Variants in ASIC2 observed in about 807,000 individuals in gnomAD.
The protein encoded by ASIC2 is acid sensing ion channel subunit 2.
ASIC2 carries 25 observed loss-of-function variants against 57.3 expected under a neutral mutation model. The ratio of observed to expected loss-of-function variants is 0.44; its 90% CI spans 0.32 to 0.61. The LOEUF is 0.61. Ranked by LOEUF, ASIC2 falls within the 20% of genes least tolerant of loss-of-function variation. The pLI, the probability that ASIC2 is intolerant of heterozygous loss-of-function variation, is 0.06. For synonymous variants in ASIC2, 319 were observed against 307.5 expected, an observed-to-expected ratio of 1.04 and a Z score of -0.39; for missense variants, 641 against 738.1, an observed-to-expected ratio of 0.87 and a Z score of 1.52.
chr17:33,777,101 T>G (rs61207770), intron 1 of ASIC2, among the ~76,000 whole-genome samples: 11,761 of 152,104 alleles, frequency 0.077, 505 homozygotes, highest in East Asian at 0.22. Flanking sequence ...GGGCATGGCA[T>G]CCACAGCCCA....
In ASIC2 at chr17:33,183,226, A is replaced by G. The variant is rs570105843; in HGVS notation, c.709-71159T>C. 7.2e-5 allele frequency among the ~76,000 whole-genome samples: 11 copies of G among 152,342 alleles called. No homozygotes were observed. In the South Asian group the frequency reaches 1.4e-3, roughly 20 times the overall value. On this transcript the variant is annotated intron_variant, in intron 1 of 9. Coordinates refer to ENST00000225823, the MANE Select transcript of ASIC2 (RefSeq NM_183377.2). ...CAGAAACTAACCTTTATTTTTGCCA[A>G]AACAGTTTTTATTAACTTCAGTGAG...
chr17:33,464,534 T>C (rs28635546), intron 1 of ASIC2, among the ~76,000 whole-genome samples: 1 of 42,142 alleles, frequency 2.4e-5, no homozygotes, highest in African/African-American at 9.7e-5. Flanking sequence ...CTTTCTTTCT[T>C]TCTTTCTCTT....
chr17:33,627,322 C>T (rs1748983245), intron 1 of ASIC2: 1 of 152,268 alleles, frequency 6.6e-6, no homozygotes, highest in Non-Finnish European at 1.5e-5. Flanking sequence ...TATCCCAAAT[C>T]CAGTGCTAAA....
At chr17:33,322,998 A>G (rs1374241501) in intron 1 of ASIC2, among the ~76,000 whole-genome samples, 2 of 152,224 alleles carry the variant, frequency 1.3e-5, no homozygotes, top group Non-Finnish European at 2.9e-5. Flanking sequence ...GACTGTGACT[A>G]TCTCTTATAC....
At chr17:33,116,380 T>A (rs1320936363) in intron 1 of ASIC2, among the ~76,000 whole-genome samples, 1 of 152,238 alleles carries the variant, frequency 6.6e-6, no homozygotes, top group East Asian at 1.9e-4. Context: ...TTCAAATTTA[T>A]GCCTTATCGC....
At chr17:33,443,050 TC>T (rs1341833903) in intron 1 of ASIC2, among the ~76,000 whole-genome samples, 1 of 152,234 alleles carries the variant, frequency 6.6e-6, no homozygotes, top group African/African-American at 2.4e-5. Context: ...TTTTGATATT[TC>T]TTCTATTAAT....
chr17:33,433,012 A>T (rs1002873644), intron 1 of ASIC2, among the ~76,000 whole-genome samples: 2 of 152,204 alleles, frequency 1.3e-5, no homozygotes, highest in Non-Finnish European at 1.5e-5. Flanking sequence ...CAAAGACCTA[A>T]AAACAGAACT....
chr17:33,992,920 C>T (rs138766200), intron 1 of ASIC2, among the ~76,000 whole-genome samples: 3 of 152,250 alleles, frequency 2.0e-5, no homozygotes, highest in Non-Finnish European at 2.9e-5. Context: ...GAAAGTGTCC[C>T]GAGTAGCTTG....
At chr17:33,486,224 G>A (rs1234835116) in intron 1 of ASIC2, among the ~76,000 whole-genome samples, 1 of 152,206 alleles carries the variant, frequency 6.6e-6, no homozygotes, top group African/African-American at 2.4e-5. Context: ...TACGGGTAGT[G>A]TTTTCATGGC....
chr17:33,359,428 TC>T (rs1326861632), intron 1 of ASIC2, among the ~76,000 whole-genome samples: 3 of 152,064 alleles, frequency 2.0e-5, no homozygotes, highest in Admixed American at 6.6e-5. Context: ...TGAACATGAA[TC>T]CATGGTATGA....
At chr17:34,146,375 A>C (rs376512275) in intron 1 of ASIC2, among the ~76,000 whole-genome samples, 1 of 152,164 alleles carries the variant, frequency 6.6e-6, no homozygotes, top group Admixed American at 6.5e-5. Context: ...ATCAATACAC[A>C]GGTTGGGTTC....
chr17:33,329,650 A>G (rs1335794959), intron 1 of ASIC2, among the ~76,000 whole-genome samples: 1 of 152,218 alleles, frequency 6.6e-6, no homozygotes, highest in Non-Finnish European at 1.5e-5. Context: ...TACATTTTAC[A>G]TACAAACTTG....
intron 1 of ASIC2, among the ~76,000 whole-genome samples, chr17:33,675,402 C>T (rs567991726): frequency 1.3e-5 from 2 of 152,240 alleles, no homozygotes; most frequent in South Asian, 4.2e-4. Flanking sequence ...GCACGGGCCC[C>T]GTGATCAGCT....
chr17:33,808,701 T>C (rs1176387470), intron 1 of ASIC2, among the ~76,000 whole-genome samples: 1 of 152,188 alleles, frequency 6.6e-6, no homozygotes, highest in Non-Finnish European at 1.5e-5. Flanking sequence ...TTCTCATCTG[T>C]AGAATGTAGA....
intron 1 of ASIC2, among the ~76,000 whole-genome samples, chr17:33,616,751 G>A (rs1343578086): frequency 6.6e-6 from 1 of 152,216 alleles, no homozygotes; most frequent in Non-Finnish European, 1.5e-5. Context: ...CCAAGGAGAG[G>A]CTCTTTGTTT....
intron 1 of ASIC2, among the ~76,000 whole-genome samples, chr17:33,788,638 C>T (rs1434236483): frequency 6.6e-6 from 1 of 152,140 alleles, no homozygotes; most frequent in East Asian, 1.9e-4. Context: ...ATAGCAAAGA[C>T]TTGGAACCAA....
At chr17:33,061,008 T>C (rs1247458808) in intron 3 of ASIC2, among the ~76,000 whole-genome samples, 15 of 152,208 alleles carry the variant, frequency 9.9e-5, no homozygotes, top group African/African-American at 3.4e-4. Context: ...TGCATATTGA[T>C]TTTGTATCCT....
intron 1 of ASIC2, among the ~76,000 whole-genome samples, chr17:33,122,184 A>G (rs1248866615): frequency 6.6e-6 from 1 of 152,096 alleles, no homozygotes; most frequent in East Asian, 1.9e-4. Flanking sequence ...CCTACTGCCT[A>G]TTTCCAACCC....
intron 1 of ASIC2, among the ~76,000 whole-genome samples, chr17:33,617,530 A>G (rs1166533425): frequency 2.0e-5 from 3 of 152,172 alleles, no homozygotes; most frequent in African/African-American, 7.2e-5. Flanking sequence ...GGAGAATAAA[A>G]AAACTACCTA....
Sources: gnomAD v4.1 joint callset for allele counts (sites outside exome capture counted in the v4.1 genomes callset) on GRCh38, gnomAD v4.1.1 for gene constraint, MANE v1.5 for transcripts, NCBI Gene and HGNC (gene_info 2026-07-23, HGNC 2026-07-21) for gene names.